CSMD3: variants seen among roughly 807,000 people sequenced by gnomAD.
The protein encoded by CSMD3 is CUB and sushi domain-containing protein 3.
In CSMD3, 177 loss-of-function variants were observed where a neutral mutation model predicts 435.2. The ratio of observed to expected loss-of-function variants is 0.41; its 90% CI spans 0.36 to 0.46. The LOEUF is 0.46. CSMD3 is among the 20% of genes least tolerant of loss of function. The pLI, the probability that CSMD3 is intolerant of heterozygous loss-of-function variation, is 0.34. For missense variants in CSMD3, 4,265 were observed against 4,504.6 expected (o/e 0.95, Z 1.52); for synonymous variants, 1,656 against 1,520.5 (o/e 1.09, Z -2.07).
chr8:113,337,563 T>C (rs1007395331), intron 1 of CSMD3, among the ~76,000 whole-genome samples: 1 of 152,054 alleles, frequency 6.6e-6, no homozygotes, highest in South Asian at 2.1e-4. Context: ...AAACTTTATG[T>C]CTTTGGTTTA....
chr8:113,133,270 T>C (rs1244345168), intron 4 of CSMD3, among the ~76,000 whole-genome samples: 2 of 152,092 alleles, frequency 1.3e-5, no homozygotes, highest in Non-Finnish European at 2.9e-5. Context: ...TAGATATTTC[T>C]CCAAAGGTTA....
chr8:112,480,082 C>G (rs1040869960), intron 31 of CSMD3, among the ~76,000 whole-genome samples: 1 of 152,238 alleles, frequency 6.6e-6, no homozygotes, highest in Non-Finnish European at 1.5e-5. Context: ...GAGTCCACCC[C>G]TCACACAAGA....
chr8:112,270,207 T>C (rs1447007552), intron 59 of CSMD3, among the ~76,000 whole-genome samples: 1 of 152,156 alleles, frequency 6.6e-6, no homozygotes, highest in Non-Finnish European at 1.5e-5. Flanking sequence ...GCATAGGGGA[T>C]TGGAGACCTT....
At chr8:112,668,894 T>C (rs1216407221) in intron 16 of CSMD3, among the ~76,000 whole-genome samples, 1 of 150,050 alleles carries the variant, frequency 6.7e-6, no homozygotes, top group Admixed American at 6.7e-5. Flanking sequence ...GAGCATGGAA[T>C]AGATAACATG....
At position 112,376,384 on chromosome 8, in the gene CSMD3, C is replaced by G. The variant is rs117095749; in HGVS notation, c.6136+3968G>C. On this transcript the variant is annotated intron_variant, in intron 38 of 70. Transcript: ENST00000297405. ...ATGGATTTGACATGTATTTGCATTA[C>G]AGTAATACATTTATTGTATCTGAAG... Among the ~76,000 whole-genome samples the G allele has an allele frequency of 1.5e-3, 221 of 152,152 alleles. 3 individuals are homozygous for G. The East Asian group carries it at 0.035, about 24-fold the overall frequency.
At chr8:112,540,894 A>G (rs915975843) in intron 27 of CSMD3, among the ~76,000 whole-genome samples, 1 of 152,066 alleles carries the variant, frequency 6.6e-6, no homozygotes, top group Non-Finnish European at 1.5e-5. Flanking sequence ...TTTATTTTAT[A>G]TTTCAAAATA....
In CSMD3 at chr8:113,426,915, C is replaced by A. The variant is rs1357609222; in HGVS notation, c.178+9762G>T. Reference sequence around the variant, plus strand: ...TGACCAACCTTGGAGAAATCTACATCTACCTGTTGTAAGATCATATATCAA... The same window carrying A: ...TGACCAACCTTGGAGAAATCTACATATACCTGTTGTAAGATCATATATCAA... On this transcript the variant is annotated intron_variant, in intron 1 of 70. Transcript: ENST00000297405. 2.6e-5 allele frequency among the ~76,000 whole-genome samples: 4 copies of A among 151,454 alleles called. No homozygotes were observed. In the East Asian group the frequency reaches 7.7e-4, roughly 29 times the overall value.
At chr8:112,493,897 T>G (rs963762917) in intron 30 of CSMD3, among the ~76,000 whole-genome samples, 1 of 152,102 alleles carries the variant, frequency 6.6e-6, no homozygotes. Context: ...GGATAACAAA[T>G]GTAGTGATTT....
intron 5 of CSMD3, among the ~76,000 whole-genome samples, chr8:113,071,573 C>A (rs895244124): frequency 1.3e-4 from 19 of 151,786 alleles, no homozygotes; most frequent in Non-Finnish European, 2.8e-4. Context: ...AGAGATATTT[C>A]TTTCCCCATT....
chr8:113,095,102 C>A (rs2090123676), intron 5 of CSMD3, among the ~76,000 whole-genome samples: 1 of 151,854 alleles, frequency 6.6e-6, no homozygotes, highest in Admixed American at 6.6e-5. Flanking sequence ...TACCCCAAAA[C>A]TACGTGCATC....
intron 32 of CSMD3, among the ~76,000 whole-genome samples, chr8:112,446,830 G>A (rs186323036): frequency 1.2e-3 from 177 of 152,200 alleles, no homozygotes; most frequent in Admixed American, 3.9e-3. Flanking sequence ...GCAATGGGCC[G>A]GGTTTCAGTT....
intron 13 of CSMD3, among the ~76,000 whole-genome samples, chr8:112,699,124 T>TC (rs2076326365): frequency 6.6e-6 from 1 of 152,066 alleles, no homozygotes; most frequent in Non-Finnish European, 1.5e-5. Context: ...CCCGCTCGCG[T>TC]CCCCTTCCAT....
At chr8:113,330,210 TTCTG>T (rs2094017078) in intron 1 of CSMD3, among the ~76,000 whole-genome samples, 1 of 152,056 alleles carries the variant, frequency 6.6e-6, no homozygotes, top group Admixed American at 6.5e-5. Context: ...GCTGCAAATA[TTCTG>T]TCTGTTTTGG....
intron 27 of CSMD3, among the ~76,000 whole-genome samples, chr8:112,550,029 T>A (rs1402319278): frequency 2.6e-5 from 4 of 152,046 alleles, no homozygotes; most frequent in Non-Finnish European, 5.9e-5. Context: ...AAGTTTTTAT[T>A]CATTTTATCC....
At chr8:112,483,998 G>A (rs1258570230) in intron 31 of CSMD3, among the ~76,000 whole-genome samples, 3 of 152,176 alleles carry the variant, frequency 2.0e-5, no homozygotes, top group Admixed American at 1.3e-4. Flanking sequence ...TGAAGGTCAA[G>A]GTGGATGTGG....
chr8:113,156,744 A>ATAAATAAATAAATAAT (rs1286766296), intron 4 of CSMD3, among the ~76,000 whole-genome samples: 223 of 139,734 alleles, frequency 1.6e-3, no homozygotes, highest in East Asian at 4.6e-3. Flanking sequence ...AAATAAATAA[A>ATAAATAAATAAATAAT]TAAATAAATA....
At position 113,211,746 on chromosome 8, in the gene CSMD3, C is replaced by CA. The variant is rs199786065; in HGVS notation, c.515-37831dup. On this transcript the variant is annotated intron_variant, in intron 3 of 70. Coordinates refer to ENST00000297405, the MANE Select transcript of CSMD3 (RefSeq NM_198123.2). ...ATGCAAAGTTCTCATTTAAGTGAAC[C>CA]AAAACCTGAATAACTTGATCCCAAA... 8.3e-3 allele frequency among the ~76,000 whole-genome samples: 1,264 copies of CA among 152,098 alleles called. 18 individuals are homozygous for CA. The highest frequency in any genetic ancestry group is 0.029 in the African/African-American group (1,185 of 41,534).
intron 29 of CSMD3, among the ~76,000 whole-genome samples, chr8:112,504,480 A>G (rs1313414552): frequency 6.6e-6 from 1 of 152,160 alleles, no homozygotes; most frequent in Admixed American, 6.5e-5. Context: ...GATATGGACA[A>G]AAGCTGAAAT....
intron 3 of CSMD3, among the ~76,000 whole-genome samples, chr8:113,185,695 A>T (rs1224277081): frequency 6.6e-6 from 1 of 152,088 alleles, no homozygotes; most frequent in Non-Finnish European, 1.5e-5. Context: ...AATGAAAGTC[A>T]GATGTCCAAA....
Sources: allele counts gnomAD v4.1 joint callset (sites outside exome capture counted in the v4.1 genomes callset), GRCh38; gene constraint gnomAD v4.1.1; transcripts MANE v1.5; gene names NCBI Gene and HGNC (gene_info 2026-07-23, HGNC 2026-07-21).